Variants in LSAMP observed in about 807,000 individuals in gnomAD.
The protein encoded by LSAMP is limbic system-associated membrane protein.
Under a neutral mutation model 38.6 loss-of-function variants are expected in LSAMP, and 7 were observed. That is an observed-to-expected ratio of 0.18 (90% CI 0.10 to 0.34). The LOEUF (loss-of-function observed/expected upper bound fraction) is 0.34. Ranked by LOEUF, LSAMP falls within the 10% of genes least tolerant of loss-of-function variation. The pLI, the probability that LSAMP is intolerant of heterozygous loss-of-function variation, is 1.00. For missense variants in LSAMP, 313 were observed against 420.0 expected (o/e 0.75, Z 2.23); for synonymous variants, 154 against 166.8 (o/e 0.92, Z 0.59).
intron 1 of LSAMP, among the ~76,000 whole-genome samples, chr3:116,421,768 G>T (rs909018465): frequency 1.3e-5 from 2 of 152,144 alleles, no homozygotes; most frequent in Admixed American, 6.5e-5. Flanking sequence ...ATACCCAAAA[G>T]AGAGACAACC....
rs2046026505 is a variant in LSAMP at position 116,203,859 on chromosome 3, A to G, written c.156-117303T>C. Among the ~76,000 whole-genome samples, 3 of 152,298 alleles carry G rather than the reference A, an allele frequency of 2.0e-5. No individual in the cohort carries two copies. The South Asian group carries it at 6.2e-4, about 32-fold the overall frequency. ...TATTGTGAATAATGCCGCAATAAAC[A>G]TACGTGTGCATGTGTCTTTATAGCA... On this transcript the variant is annotated intron_variant, in intron 1 of 6. Coordinates refer to ENST00000490035, the MANE Select transcript of LSAMP (RefSeq NM_002338.5).
chr3:116,146,723 A>G (rs1471670536), intron 1 of LSAMP, among the ~76,000 whole-genome samples: 1 of 151,934 alleles, frequency 6.6e-6, no homozygotes, highest in African/African-American at 2.4e-5. Context: ...GGTGATTATC[A>G]GATAACTAAA....
chr3:116,314,516 A>G (rs1422568857), intron 1 of LSAMP, among the ~76,000 whole-genome samples: 2 of 152,246 alleles, frequency 1.3e-5, no homozygotes, highest in Non-Finnish European at 2.9e-5. Flanking sequence ...GAATTTACTT[A>G]GCATCCCCCA....
chr3:115,961,120 T>C lies in LSAMP; in HGVS notation c.514+58395A>G, dbSNP rs1938612737. On this transcript the variant is annotated intron_variant, in intron 3 of 6. Coordinates refer to ENST00000490035, the MANE Select transcript of LSAMP (RefSeq NM_002338.5). Reference sequence around the variant, plus strand: ...GAGGCAAATGCTATTTCAGAGGGACTGGGAGAAGCTGAGAGAGGAGTGGAA... The same window carrying C: ...GAGGCAAATGCTATTTCAGAGGGACCGGGAGAAGCTGAGAGAGGAGTGGAA... 3.3e-5 allele frequency among the ~76,000 whole-genome samples: 5 copies of C among 152,318 alleles called. No homozygotes were observed. The South Asian group carries it at 8.3e-4, about 25-fold the overall frequency.
intron 2 of LSAMP, among the ~76,000 whole-genome samples, chr3:116,066,909 T>A (rs969788655): frequency 1.7e-4 from 26 of 151,918 alleles, no homozygotes; most frequent in Non-Finnish European, 2.9e-4. Flanking sequence ...CTGCCCCCAT[T>A]TTTTTTTGCA....
At chr3:115,959,336 GT>G in intron 3 of LSAMP, among the ~76,000 whole-genome samples, 1 of 152,230 alleles carries the variant, frequency 6.6e-6, no homozygotes, top group Admixed American at 6.5e-5. Flanking sequence ...TAGGGTGGTG[GT>G]TTTCAAATTG....
At chr3:115,917,249 G>A (rs184656195) in intron 3 of LSAMP, among the ~76,000 whole-genome samples, 376 of 152,254 alleles carry the variant, frequency 2.5e-3, no homozygotes, top group African/African-American at 8.6e-3. Context: ...GCAATCCCTC[G>A]ACACTTGCTT....
chr3:116,096,167 G>A (rs1708222361), intron 1 of LSAMP, among the ~76,000 whole-genome samples: 1 of 152,134 alleles, frequency 6.6e-6, no homozygotes, highest in Admixed American at 6.6e-5. Context: ...GAGCTTCAGG[G>A]TTTTTCTTCT....
intron 3 of LSAMP, among the ~76,000 whole-genome samples, chr3:115,909,147 G>A (rs886608028): frequency 1.3e-5 from 2 of 152,208 alleles, no homozygotes; most frequent in East Asian, 1.9e-4. Context: ...TATTATAGAT[G>A]GTCTTTGCTC....
At chr3:116,207,027 G>C (rs2046079417) in intron 1 of LSAMP, among the ~76,000 whole-genome samples, 1 of 151,398 alleles carries the variant, frequency 6.6e-6, no homozygotes, top group South Asian at 2.1e-4. Context: ...CATTATTAAT[G>C]TGTGGGAGTC....
At chr3:115,935,708 G>A (rs1246092166) in intron 3 of LSAMP, among the ~76,000 whole-genome samples, 2 of 152,036 alleles carry the variant, frequency 1.3e-5, no homozygotes, top group African/African-American at 2.4e-5. Context: ...GCAGGATGGG[G>A]GTATGTCTTC....
chr3:116,155,228 G>A (rs1328911112), intron 1 of LSAMP, among the ~76,000 whole-genome samples: 2 of 151,582 alleles, frequency 1.3e-5, no homozygotes, highest in African/African-American at 4.8e-5. Context: ...TTTTTGTTTT[G>A]TTTTGTTTTT....
chr3:116,313,309 A>G (rs1284024541), intron 1 of LSAMP, among the ~76,000 whole-genome samples: 1 of 152,196 alleles, frequency 6.6e-6, no homozygotes, highest in African/African-American at 2.4e-5. Flanking sequence ...GAGGTATTTT[A>G]GCCTGCTGCC....
intron 1 of LSAMP, among the ~76,000 whole-genome samples, chr3:116,314,381 G>A (rs1461846816): frequency 6.6e-6 from 1 of 152,158 alleles, no homozygotes; most frequent in African/African-American, 2.4e-5. Flanking sequence ...AAGATTTCAA[G>A]AAACTCCTGG....
chr3:115,881,490 TG>T (rs1936321743), intron 3 of LSAMP, among the ~76,000 whole-genome samples: 1 of 152,158 alleles, frequency 6.6e-6, no homozygotes, highest in African/African-American at 2.4e-5. Flanking sequence ...CCACCGACCT[TG>T]TTAATCATCT....
rs565796187 is a variant in LSAMP at position 115,943,310 on chromosome 3, C to G, written c.514+76205G>C. Among the ~76,000 whole-genome samples the G allele has an allele frequency of 1.8e-3, 270 of 152,224 alleles. 2 individuals carry two copies. The highest frequency in any genetic ancestry group is 6.2e-3 in the African/African-American group (257 of 41,544). ...TTGGCTCTCACTTCTTTTCAGAATA[C>G]TTTATCCAGTTTGGCTCTTCCTTGA... On this transcript the variant is annotated intron_variant, in intron 3 of 6. Transcript: ENST00000490035.
chr3:115,867,808 C>T (rs987807576), intron 3 of LSAMP, among the ~76,000 whole-genome samples: 3 of 152,112 alleles, frequency 2.0e-5, no homozygotes, highest in African/African-American at 2.4e-5. Context: ...TAAGAGACTT[C>T]GTTTTGATAT....
intron 6 of LSAMP, among the ~76,000 whole-genome samples, chr3:115,834,213 T>C (rs757661979): frequency 2.6e-5 from 4 of 152,122 alleles, no homozygotes; most frequent in Non-Finnish European, 4.4e-5. Context: ...AGTCAGAGAA[T>C]TGGTATTTTT....
chr3:116,188,134 AATATC>A (rs1244774396), intron 1 of LSAMP, among the ~76,000 whole-genome samples: 1 of 152,160 alleles, frequency 6.6e-6, no homozygotes, highest in Non-Finnish European at 1.5e-5. Flanking sequence ...ACTGGTGTCA[AATATC>A]ATATCTATAT....
Sources: allele counts gnomAD v4.1 joint callset (sites outside exome capture counted in the v4.1 genomes callset), GRCh38; gene constraint gnomAD v4.1.1; transcripts MANE v1.5; gene names NCBI Gene and HGNC (gene_info 2026-07-23, HGNC 2026-07-21).